The following CAMK1D variants were observed in gnomAD, a reference collection of about 807,000 sequenced individuals.
The protein encoded by CAMK1D is calcium/calmodulin dependent protein kinase ID, also known as calcium/calmodulin-dependent protein kinase type 1D.
A neutral mutation model predicts 47.7 loss-of-function variants in CAMK1D; 9 were observed. The observed-to-expected ratio is 0.19, with a 90% CI of 0.11 to 0.33. The LOEUF (loss-of-function observed/expected upper bound fraction) is 0.33. CAMK1D is among the 10% of genes least tolerant of loss of function. The pLI, the probability that CAMK1D is intolerant of heterozygous loss-of-function variation, is 1.00. For missense variants in CAMK1D, 291 were observed against 488.7 expected, an observed-to-expected ratio of 0.60 and a Z score of 3.81; for synonymous variants, 184 against 184.9, an observed-to-expected ratio of 0.99 and a Z score of 0.04.
intron 2 of CAMK1D, among the ~76,000 whole-genome samples, chr10:12,626,011 A>T (rs1839202960): frequency 6.6e-6 from 1 of 152,250 alleles, no homozygotes; most frequent in African/African-American, 2.4e-5. Flanking sequence ...GTCAGATGAC[A>T]CAAATACATA....
chr10:12,565,352 C>A (rs1837088585), intron 2 of CAMK1D, among the ~76,000 whole-genome samples: 1 of 152,166 alleles, frequency 6.6e-6, no homozygotes, highest in South Asian at 2.1e-4. Flanking sequence ...CAGGTTCAAG[C>A]AATTGATTCT....
chr10:12,756,897 T>C (rs552865971), intron 3 of CAMK1D, among the ~76,000 whole-genome samples: 205 of 152,358 alleles, frequency 1.3e-3, no homozygotes, highest in Middle Eastern at 6.8e-3. Flanking sequence ...CACTCCAGCC[T>C]GGGCGACAGA....
intron 3 of CAMK1D, among the ~76,000 whole-genome samples, chr10:12,717,783 A>C (rs1000298348): frequency 3.5e-4 from 53 of 150,604 alleles, no homozygotes; most frequent in African/African-American, 1.2e-3. Context: ...AGTCCCAGCT[A>C]CTTGGGAGGC....
intron 6 of CAMK1D, among the ~76,000 whole-genome samples, chr10:12,798,959 G>C (rs1212191386): frequency 6.6e-6 from 1 of 152,136 alleles, no homozygotes; most frequent in Non-Finnish European, 1.5e-5. Context: ...AAGAACCAAG[G>C]AACATGCACA....
chr10:12,611,959 T>G (rs1159674891), intron 2 of CAMK1D, among the ~76,000 whole-genome samples: 1 of 152,226 alleles, frequency 6.6e-6, no homozygotes, highest in African/African-American at 2.4e-5. Flanking sequence ...CTCCACTTCA[T>G]GAAGCATTTC....
At chr10:12,546,818 G>C (rs1404662155) in intron 1 of CAMK1D, among the ~76,000 whole-genome samples, 6 of 151,630 alleles carry the variant, frequency 4.0e-5, no homozygotes, top group Non-Finnish European at 8.8e-5. Flanking sequence ...TGTGGGGTGG[G>C]GGTGGGGGAG....
chr10:12,772,679 G>T (rs185166660), intron 5 of CAMK1D, among the ~76,000 whole-genome samples: 1 of 152,344 alleles, frequency 6.6e-6, no homozygotes, highest in Admixed American at 6.5e-5. Context: ...CATCGCTCTT[G>T]CTACTCTAAA....
At chr10:12,743,094 G>A (rs1211040104) in intron 3 of CAMK1D, among the ~76,000 whole-genome samples, 1 of 152,192 alleles carries the variant, frequency 6.6e-6, no homozygotes, top group Non-Finnish European at 1.5e-5. Context: ...TGTAATCCCA[G>A]CACTTTGCGA....
intron 1 of CAMK1D, among the ~76,000 whole-genome samples, chr10:12,382,342 C>T (rs551030385): frequency 1.3e-5 from 2 of 151,876 alleles, no homozygotes; most frequent in East Asian, 3.9e-4. Flanking sequence ...ATGTGAAATC[C>T]TTATGGTATG....
chr10:12,788,440 C>T (rs555040551), intron 5 of CAMK1D, among the ~76,000 whole-genome samples: 4 of 152,340 alleles, frequency 2.6e-5, no homozygotes, highest in Admixed American at 2.6e-4. Context: ...TGGAACCTAG[C>T]GCCTCCACCC....
intron 2 of CAMK1D, among the ~76,000 whole-genome samples, chr10:12,652,450 T>C (rs961982326): frequency 1.2e-4 from 17 of 142,864 alleles, no homozygotes; most frequent in Middle Eastern, 3.9e-3. Flanking sequence ...AAGCCGGGCG[T>C]GGTGGCGGGC....
chr10:12,574,862 C>T (rs933813742), intron 2 of CAMK1D, among the ~76,000 whole-genome samples: 9 of 151,998 alleles, frequency 5.9e-5, no homozygotes, highest in African/African-American at 9.7e-5. Flanking sequence ...GGAGCCGGAG[C>T]GTGAGTGAAG....
At chr10:12,465,608 G>A (rs552487340) in intron 1 of CAMK1D, among the ~76,000 whole-genome samples, 3 of 152,308 alleles carry the variant, frequency 2.0e-5, no homozygotes, top group Non-Finnish European at 2.9e-5. Flanking sequence ...ACCCACCTTG[G>A]CCTCCCACAG....
At chr10:12,582,840 G>A (rs1837702118) in intron 2 of CAMK1D, among the ~76,000 whole-genome samples, 1 of 152,300 alleles carries the variant, frequency 6.6e-6, no homozygotes, top group Non-Finnish European at 1.5e-5. Flanking sequence ...TGAGTCCCAG[G>A]AAAATTAAAC....
intron 2 of CAMK1D, among the ~76,000 whole-genome samples, chr10:12,581,608 G>A (rs932765398): frequency 1.3e-5 from 2 of 152,148 alleles, no homozygotes; most frequent in African/African-American, 4.8e-5. Flanking sequence ...GTATCACACT[G>A]TGGTTTTGAT....
chr10:12,615,702 GTC>G (rs755210916), intron 2 of CAMK1D, among the ~76,000 whole-genome samples: 74 of 149,664 alleles, frequency 4.9e-4, no homozygotes, highest in Non-Finnish European at 9.2e-4. Context: ...GTTTGTAGGT[GTC>G]TATAGATGTG....
rs1554778998 is a variant in CAMK1D at position 12,504,108 on chromosome 10, G to GGTGT, written c.93-49100_93-49097dup. ...AAACATAAACGGAACCAATAAGATGGGTGTGTGTGTGTGTGTGTGTCTGTG... is the reference window on the plus strand; with the variant it reads ...AAACATAAACGGAACCAATAAGATGGGTGTGTGTGTGTGTGTGTGTGTGTCTGTG... On this transcript the variant is annotated intron_variant, in intron 1 of 10. Coordinates refer to ENST00000619168, the MANE Select transcript of CAMK1D (RefSeq NM_153498.4). Among the ~76,000 whole-genome samples, 339 of 147,744 alleles carry GGTGT rather than the reference G, an allele frequency of 2.3e-3. 1 individual carries two copies. The highest frequency in any genetic ancestry group is 8.1e-3 in the African/African-American group (322 of 39,558).
At chr10:12,474,445 G>A (rs77307182) in intron 1 of CAMK1D, among the ~76,000 whole-genome samples, 8,749 of 151,900 alleles carry the variant, frequency 0.058, 283 homozygotes, top group Non-Finnish European at 0.075. Flanking sequence ...CGCCTGCCTC[G>A]GCTTCCAAAA....
intron 1 of CAMK1D, among the ~76,000 whole-genome samples, chr10:12,368,205 A>T (rs199871013): frequency 6.7e-6 from 1 of 148,556 alleles, no homozygotes; most frequent in Admixed American, 6.9e-5. Flanking sequence ...TCTCAAAAAA[A>T]AAAAAAAAAT....
Sources: allele counts gnomAD v4.1 joint callset (sites outside exome capture counted in the v4.1 genomes callset), GRCh38; gene constraint gnomAD v4.1.1; transcripts MANE v1.5; gene names NCBI Gene and HGNC (gene_info 2026-07-23, HGNC 2026-07-21).